The following SYCP2 variants were observed in gnomAD, a reference collection of about 807,000 sequenced individuals.
SYCP2 encodes synaptonemal complex protein 2, also known as synaptonemal complex lateral element protein.
SYCP2 carries 55 observed loss-of-function variants against 211.3 expected under a neutral mutation model. The observed-to-expected ratio is 0.26, with a 90% CI of 0.21 to 0.33. The LOEUF is 0.33. SYCP2 is among the 10% of genes least tolerant of loss of function. SYCP2 has a pLI of 1.00. For missense variants in SYCP2, 1,731 were observed against 1,752.0 expected, an observed-to-expected ratio of 0.99 and a Z score of 0.21; for synonymous variants, 570 against 555.2, an observed-to-expected ratio of 1.03 and a Z score of -0.37.
In SYCP2 at chr20:59,864,409, AT is replaced by A. The variant is rs746279633; in HGVS notation, c.4516-22del. On this transcript the variant is annotated intron_variant, in intron 44 of 44. Coordinates refer to ENST00000357552, the MANE Select transcript of SYCP2 (RefSeq NM_014258.4). ...TCTAGCTATAGCCAAGAAAAAAAAA[AT>A]CACACTTAGATTTCACATTTTCGCT... The A allele has an allele frequency of 1.0e-5, 16 of 1,528,386 alleles. No homozygotes were observed. In the South Asian group the frequency reaches 1.7e-4, roughly 16 times the overall value. 94.7% of individuals were successfully genotyped at this position (1,528,386 alleles called of 1,614,324 possible).
intron 12 of SYCP2, among the ~76,000 whole-genome samples, chr20:59,913,086 T>C (rs965809570): frequency 3.9e-5 from 6 of 152,222 alleles, no homozygotes; most frequent in Admixed American, 6.5e-5. Flanking sequence ...TTTCCTAACT[T>C]AGCTTATTGT....
At chr20:59,926,561 T>C (rs1318570238) in intron 2 of SYCP2, among the ~76,000 whole-genome samples, 2 of 152,184 alleles carry the variant, frequency 1.3e-5, no homozygotes, top group South Asian at 2.1e-4. Context: ...AAATAATAAG[T>C]TAATAACTTA....
intron 33 of SYCP2, among the ~76,000 whole-genome samples, 195 bp downstream of exon 33, chr20:59,877,189 TA>T (rs201639048): frequency 6.6e-6 from 1 of 152,070 alleles, no homozygotes; most frequent in Non-Finnish European, 1.5e-5. Flanking sequence ...ATCTGTTTTG[TA>T]AAAAAAATGC....
intron 37 of SYCP2, 26 bp downstream of exon 37, chr20:59,868,809 T>A: frequency 6.4e-7 from 1 of 1,565,728 alleles, no homozygotes; most frequent in Non-Finnish European, 8.7e-7. Flanking sequence ...AATCATTTTT[T>A]AAAAAGCAAG....
chr20:59,899,924 A>G, intron 18 of SYCP2: 1 of 523,778 alleles, frequency 1.9e-6, no homozygotes, highest in Non-Finnish European at 3.4e-6. Context: ...ACAACTGTAA[A>G]GTATGTCTTG....
chr20:59,881,349 C>G, intron 29 of SYCP2, 88 bp downstream of exon 29: 1 of 719,378 alleles, frequency 1.4e-6, no homozygotes, highest in Non-Finnish European at 2.3e-6. Context: ...ATTCACTCTT[C>G]TCATTTGTTA....
In SYCP2 at chr20:59,922,251, T is replaced by A. The variant is rs966771145; in HGVS notation, c.24+139A>T. 5.6e-6 allele frequency: 4 copies of A among 709,378 alleles called. No individual in the cohort carries two copies. In the East Asian group the frequency reaches 1.2e-4, roughly 22 times the overall value. 43.9% of individuals were successfully genotyped at this position (709,378 alleles called of 1,614,324 possible). A position where few individuals can be genotyped will look rare whatever the true frequency, so the allele number is the denominator to read the frequency against. On this transcript the variant is annotated intron_variant, in intron 3 of 44. Transcript: ENST00000357552. ...ATCTAATGAATACATGAAAGGACACTTTATTTAAACTATTCTTGACCATTT... is the reference window on the plus strand; with the variant it reads ...ATCTAATGAATACATGAAAGGACACATTATTTAAACTATTCTTGACCATTT...
chr20:59,873,794 G>A (rs2145626934), intron 35 of SYCP2, 62 bp downstream of exon 35: 1 of 1,387,264 alleles, frequency 7.2e-7, no homozygotes, highest in Non-Finnish European at 9.8e-7. Flanking sequence ...AAGATGATAG[G>A]GAAAATAACT....
At chr20:59,927,234 C>T (rs2060649693) in intron 2 of SYCP2, among the ~76,000 whole-genome samples, 1 of 152,080 alleles carries the variant, frequency 6.6e-6, no homozygotes, top group African/African-American at 2.4e-5. Context: ...TCTTTCAGTC[C>T]TTGGTCTTTA....
intron 2 of SYCP2, among the ~76,000 whole-genome samples, chr20:59,929,049 GAACTT>G (rs1449170046): frequency 6.6e-6 from 1 of 151,832 alleles, no homozygotes; most frequent in Non-Finnish European, 1.5e-5. Flanking sequence ...TTATTATGAA[GAACTT>G]AACAAATCAA....
intron 35 of SYCP2, among the ~76,000 whole-genome samples, chr20:59,871,046 G>C (rs1173619382): frequency 6.6e-6 from 1 of 151,814 alleles, no homozygotes; most frequent in Non-Finnish European, 1.5e-5. Context: ...TTTTGTCATA[G>C]GGAAGTTGTG....
At chr20:59,900,328 A>G in intron 17 of SYCP2, 44 bp from the exon 18 acceptor site, 1 of 1,491,932 alleles carries the variant, frequency 6.7e-7, no homozygotes, top group South Asian at 1.3e-5. Flanking sequence ...ACTGCAAACC[A>G]CAGAAAGTAA....
intron 33 of SYCP2, 26 bp downstream of exon 33, chr20:59,877,359 A>G (rs2059581293): frequency 6.9e-7 from 1 of 1,440,440 alleles, no homozygotes; most frequent in Non-Finnish European, 9.2e-7. Context: ...GGCTTTTAGA[A>G]ATTAATCTGA....
rs56657712 is a variant in SYCP2, at chr20:59,870,061, C to T, written c.3556-78G>A. ...GCCCCCCACTTCAAAAAGAGTTGAA[C>T]ATAAGAAACATTAAAGCAAAACTGC... On this transcript the variant is annotated intron_variant, in intron 35 of 44. Transcript: ENST00000357552. 4.4e-3 allele frequency: 4,146 copies of T among 945,898 alleles called. 124 individuals are homozygous for T. In the African/African-American group the frequency reaches 0.063, roughly 14 times the overall value. The allele number at this position is 945,898 out of a possible 1,614,324, so 58.6% of individuals were successfully genotyped here.
At chr20:59,916,740 G>A (rs1362252167) in intron 7 of SYCP2, among the ~76,000 whole-genome samples, 169 bp from the exon 8 acceptor site, 1 of 151,996 alleles carries the variant, frequency 6.6e-6, no homozygotes, top group Non-Finnish European at 1.5e-5. Context: ...AGGAGTTTGA[G>A]ACCAGCCTGG....
intron 20 of SYCP2, among the ~76,000 whole-genome samples, chr20:59,894,140 A>G (rs887343538): frequency 1.3e-5 from 2 of 152,022 alleles, no homozygotes; most frequent in Non-Finnish European, 2.9e-5. Context: ...GATCAAATAC[A>G]AATCTGCCAC....
chr20:59,928,784 T>C (rs2060680261), intron 2 of SYCP2, among the ~76,000 whole-genome samples: 1 of 152,122 alleles, frequency 6.6e-6, no homozygotes, highest in Non-Finnish European at 1.5e-5. Context: ...ATTAGAAATC[T>C]ATTTTGCCAT....
intron 20 of SYCP2, 40 bp downstream of exon 20, chr20:59,895,397 T>G: frequency 6.5e-7 from 1 of 1,543,926 alleles, no homozygotes; most frequent in South Asian, 1.2e-5. Flanking sequence ...CCACAATTAC[T>G]TGAAAAAATA....
At chr20:59,890,488 G>A (rs892310048) in intron 24 of SYCP2, among the ~76,000 whole-genome samples, 2 of 151,990 alleles carry the variant, frequency 1.3e-5, no homozygotes, top group African/African-American at 2.4e-5. Context: ...CATGGCACAT[G>A]TATACCTATG....
Sources: gnomAD v4.1 joint callset for allele counts (sites outside exome capture counted in the v4.1 genomes callset) on GRCh38, gnomAD v4.1.1 for gene constraint, MANE v1.5 for transcripts, NCBI Gene and HGNC (gene_info 2026-07-23, HGNC 2026-07-21) for gene names.